The following ARFGAP3 variants were observed in gnomAD, a reference collection of about 807,000 sequenced individuals.
ARFGAP3 encodes the protein ARF GTPase activating protein 3, also known as ADP-ribosylation factor GTPase-activating protein 3.
A neutral mutation model predicts 75.0 loss-of-function variants in ARFGAP3; 72 were observed. The observed-to-expected ratio is 0.96, with a 90% CI of 0.79 to 1.17. The LOEUF is 1.17. Ranked by LOEUF, ARFGAP3 falls within the 50% of genes most tolerant of loss-of-function variation. The pLI, the probability that ARFGAP3 is intolerant of heterozygous loss-of-function variation, is 0.00. For missense variants in ARFGAP3, 620 were observed against 626.6 expected (o/e 0.99, Z 0.11); for synonymous variants, 221 against 217.9 (o/e 1.01, Z -0.13).
chr22:42,831,733 C>G, intron 5 of ARFGAP3, 97 bp from the exon 6 acceptor site: 1 of 1,566,146 alleles, frequency 6.4e-7, no homozygotes, highest in Non-Finnish European at 8.6e-7. Flanking sequence ...TTTAAACAGC[C>G]ACATTCTGAG....
intron 6 of ARFGAP3, among the ~76,000 whole-genome samples, chr22:42,829,019 G>A (rs1360743041): frequency 6.6e-6 from 1 of 152,138 alleles, no homozygotes; most frequent in Non-Finnish European, 1.5e-5. Flanking sequence ...TTATAATAGT[G>A]AAAATAGTTA....
chr22:42,846,038 C>CAAA (rs60266541), intron 2 of ARFGAP3, among the ~76,000 whole-genome samples: 7 of 88,060 alleles, frequency 7.9e-5, no homozygotes, highest in Non-Finnish European at 1.3e-4. Flanking sequence ...AACTCCATCT[C>CAAA]AAAAAAAAAA....
chr22:42,843,959 A>G (rs1926895875), intron 2 of ARFGAP3, among the ~76,000 whole-genome samples: 1 of 152,186 alleles, frequency 6.6e-6, no homozygotes, highest in Non-Finnish European at 1.5e-5. Context: ...GGCAAAAGCC[A>G]TAACTTATAA....
intron 3 of ARFGAP3, among the ~76,000 whole-genome samples, chr22:42,838,885 C>T (rs372527989): frequency 4.8e-4 from 73 of 151,750 alleles, no homozygotes; most frequent in African/African-American, 1.7e-3. Flanking sequence ...CTGAGGCGGG[C>T]GGATCACAAG....
chr22:42,821,364 A>T (rs1602105912), intron 9 of ARFGAP3, among the ~76,000 whole-genome samples: 1 of 152,192 alleles, frequency 6.6e-6, no homozygotes, highest in Admixed American at 6.5e-5. Flanking sequence ...GCAGGCCTGG[A>T]CCATTAGCAG....
At chr22:42,798,400 T>C (rs1439476447) in intron 15 of ARFGAP3, among the ~76,000 whole-genome samples, 2 of 152,234 alleles carry the variant, frequency 1.3e-5, no homozygotes, top group South Asian at 2.1e-4. Context: ...TTTACATTAA[T>C]ACAATCCTTC....
chr22:42,825,945 T>C (rs775997493), intron 7 of ARFGAP3, among the ~76,000 whole-genome samples: 2 of 152,148 alleles, frequency 1.3e-5, no homozygotes, highest in African/African-American at 2.4e-5. Context: ...ATAACAATCT[T>C]TAGCCGTGAG....
chr22:42,808,941 A>G, intron 12 of ARFGAP3, 51 bp from the exon 13 acceptor site: 2 of 1,488,232 alleles, frequency 1.3e-6, no homozygotes, highest in Admixed American at 2.0e-5. Flanking sequence ...GGTGAAGCAA[A>G]TGTGTTTCAT....
At chr22:42,845,009 T>A (rs1043729284) in intron 2 of ARFGAP3, among the ~76,000 whole-genome samples, 9 of 152,106 alleles carry the variant, frequency 5.9e-5, no homozygotes, top group Admixed American at 1.3e-4. Flanking sequence ...GAGGAACACA[T>A]CATAAAACCA....
intron 5 of ARFGAP3, 137 bp from the exon 6 acceptor site, chr22:42,831,773 A>T: frequency 6.9e-7 from 1 of 1,458,344 alleles, no homozygotes; most frequent in African/African-American, 1.4e-5. Flanking sequence ...AGGCATATCT[A>T]CTTTTTTCTT....
intron 14 of ARFGAP3, among the ~76,000 whole-genome samples, chr22:42,806,431 T>A (rs568940391): frequency 6.6e-6 from 1 of 152,140 alleles, no homozygotes; most frequent in Non-Finnish European, 1.5e-5. Context: ...ACCAGACACC[T>A]CCTCGCTGGG....
In ARFGAP3 at chr22:42,817,213, T is replaced by C. The variant is rs541765639; in HGVS notation, c.993A>G (p.Ser331=). The stretch of plus-strand genomic sequence containing the variant: ...TTTTTCTTGGTTTTGCCATAATGGG[T>C]GATTCCTGCTCTATGGTCTGCATAT... ...TSDMQTIEQE[S]PIMAKPRKKY... Residue 331 remains serine, a synonymous_variant, in exon 11 of 16, where the codon TCA becomes TCG. Transcript: ENST00000263245. The C allele has an allele frequency of 6.2e-7, 1 of 1,613,758 alleles. No individual in the cohort carries two copies. The highest frequency in any genetic ancestry group is 1.3e-5 in the African/African-American group (1 of 75,044).
chr22:42,829,089 T>C (rs1198442407), intron 6 of ARFGAP3, among the ~76,000 whole-genome samples: 2 of 152,164 alleles, frequency 1.3e-5, no homozygotes, highest in Non-Finnish European at 2.9e-5. Flanking sequence ...TGTTAGGAGA[T>C]TGTGGGAATT....
chr22:42,843,879 T>C (rs570611172), intron 2 of ARFGAP3, among the ~76,000 whole-genome samples: 2 of 152,270 alleles, frequency 1.3e-5, no homozygotes, highest in Admixed American at 6.5e-5. Context: ...TGGTCCACTC[T>C]GGGAGCAGTC....
chr22:42,827,180 A>G (rs1040238583), intron 6 of ARFGAP3, 181 bp from the exon 7 acceptor site: 1 of 730,766 alleles, frequency 1.4e-6, no homozygotes, highest in Non-Finnish European at 1.7e-6. Flanking sequence ...AGTCCATTAA[A>G]GTAGAAGTTT....
At chr22:42,807,393 C>T (rs957002292) in intron 13 of ARFGAP3, 16 of 357,046 alleles carry the variant, frequency 4.5e-5, no homozygotes, top group African/African-American at 2.0e-4. Context: ...ACCTCAGCCA[C>T]GATGGCCAGT....
At chr22:42,855,919 G>C (rs1433921850) in intron 1 of ARFGAP3, among the ~76,000 whole-genome samples, 1 of 151,996 alleles carries the variant, frequency 6.6e-6, no homozygotes, top group East Asian at 1.9e-4. Context: ...ACAGCCCTGT[G>C]GTGTCAGCCT....
intron 14 of ARFGAP3, 39 bp downstream of exon 14, chr22:42,807,034 A>G (rs1239003043): frequency 3.2e-6 from 5 of 1,557,938 alleles, no homozygotes; most frequent in Non-Finnish European, 4.3e-6. Flanking sequence ...TTCATACCGT[A>G]GACATGACAG....
intron 14 of ARFGAP3, among the ~76,000 whole-genome samples, chr22:42,802,434 C>T (rs925725195): frequency 4.0e-5 from 6 of 150,502 alleles, no homozygotes; most frequent in South Asian, 4.2e-4. Context: ...TACAGGTGCC[C>T]GCCACCACGC....
Sources: allele counts gnomAD v4.1 joint callset (sites outside exome capture counted in the v4.1 genomes callset), GRCh38; gene constraint gnomAD v4.1.1; transcripts MANE v1.5; gene names NCBI Gene and HGNC (gene_info 2026-07-23, HGNC 2026-07-21).